Variants in NRXN1 observed in about 807,000 individuals in gnomAD.
The protein encoded by NRXN1 is neurexin 1, also known as neurexin-1.
A neutral mutation model predicts 150.9 loss-of-function variants in NRXN1; 39 were observed. The observed-to-expected ratio is 0.26, with a 90% CI of 0.20 to 0.34. The LOEUF (loss-of-function observed/expected upper bound fraction) is 0.34. Ranked by LOEUF, NRXN1 falls within the 10% of genes least tolerant of loss-of-function variation. The probability of loss-of-function intolerance (pLI) is 1.00; values close to 1 mark genes in which losing one functional copy is unlikely to be tolerated. For synonymous variants in NRXN1, 924 were observed against 757.0 expected (o/e 1.22, Z -3.62); for missense variants, 1,815 against 1,949.9 (o/e 0.93, Z 1.30).
At chr2:50,291,523 C>A (rs1285891841) in intron 17 of NRXN1, among the ~76,000 whole-genome samples, 1 of 152,144 alleles carries the variant, frequency 6.6e-6, no homozygotes, top group African/African-American at 2.4e-5. Context: ...TCTAGAGAAG[C>A]ATTCATCCCT....
chr2:50,110,926 A>T (rs1045653078), intron 18 of NRXN1, among the ~76,000 whole-genome samples: 2 of 152,190 alleles, frequency 1.3e-5, no homozygotes, highest in Non-Finnish European at 2.9e-5. Context: ...TAATGTCAAC[A>T]TCCTTTGCAT....
chr2:50,475,409 A>ATAGT (rs1558795999), intron 15 of NRXN1, among the ~76,000 whole-genome samples: 4 of 98,310 alleles, frequency 4.1e-5, no homozygotes, highest in Admixed American at 1.8e-4. Flanking sequence ...AAAAGAGGAA[A>ATAGT]CAGTAAGGCA....
At chr2:50,596,664 T>C (rs547365532) in intron 8 of NRXN1, among the ~76,000 whole-genome samples, 2 of 152,092 alleles carry the variant, frequency 1.3e-5, no homozygotes, top group African/African-American at 4.8e-5. Context: ...ACGAAAAGCT[T>C]TGTATATAGC....
At chr2:50,535,648 A>T (rs1388740209) in intron 10 of NRXN1, among the ~76,000 whole-genome samples, 7 of 152,228 alleles carry the variant, frequency 4.6e-5, no homozygotes, top group Non-Finnish European at 1.5e-5. Context: ...CGCTAAATTT[A>T]ACTTTTATTC....
intron 17 of NRXN1, among the ~76,000 whole-genome samples, chr2:50,315,949 T>A (rs1316253660): frequency 2.0e-5 from 3 of 151,990 alleles, no homozygotes; most frequent in Non-Finnish European, 4.4e-5. Flanking sequence ...TCAGGAGGAT[T>A]CAGGGCCAGA....
At chr2:50,628,648 C>G (rs1272994235) in intron 5 of NRXN1, among the ~76,000 whole-genome samples, 1 of 151,664 alleles carries the variant, frequency 6.6e-6, no homozygotes, top group Non-Finnish European at 1.5e-5. Context: ...TTCTGCTGAA[C>G]ACTTAAAGAA....
intron 2 of NRXN1, among the ~76,000 whole-genome samples, chr2:50,938,943 GGCT>G (rs1688961141): frequency 6.6e-6 from 1 of 152,088 alleles, no homozygotes; most frequent in South Asian, 2.1e-4. Context: ...TGAGCGCGGT[GGCT>G]CATGCCTATA....
intron 8 of NRXN1, among the ~76,000 whole-genome samples, chr2:50,590,038 C>T (rs956373735): frequency 3.3e-5 from 5 of 152,176 alleles, no homozygotes; most frequent in African/African-American, 1.2e-4. Context: ...GAACACCTGT[C>T]ATGTGACAAT....
chr2:50,423,914 C>T (rs995215552), intron 17 of NRXN1, among the ~76,000 whole-genome samples: 1 of 152,090 alleles, frequency 6.6e-6, no homozygotes, highest in Non-Finnish European at 1.5e-5. Flanking sequence ...TAGGCAACAG[C>T]AGGTCCAACA....
At chr2:49,924,884 G>A (rs1317483373) in intron 22 of NRXN1, among the ~76,000 whole-genome samples, 1 of 151,960 alleles carries the variant, frequency 6.6e-6, no homozygotes, top group African/African-American at 2.4e-5. Flanking sequence ...AGGTATGTTC[G>A]GAATAGGTAG....
chr2:49,989,196 T>G (rs1203968407), intron 21 of NRXN1, among the ~76,000 whole-genome samples: 1 of 152,198 alleles, frequency 6.6e-6, no homozygotes, highest in Non-Finnish European at 1.5e-5. Flanking sequence ...AGGACTTACA[T>G]TTCTGGTTCA....
chr2:50,862,759 G>C (rs1406080375), intron 5 of NRXN1, among the ~76,000 whole-genome samples: 1 of 152,022 alleles, frequency 6.6e-6, no homozygotes, highest in African/African-American at 2.4e-5. Context: ...TAGTAGACAT[G>C]AATCACCTTT....
At chr2:50,174,312 A>G (rs1430064816) in intron 18 of NRXN1, among the ~76,000 whole-genome samples, 2 of 152,102 alleles carry the variant, frequency 1.3e-5, no homozygotes, top group African/African-American at 4.8e-5. Flanking sequence ...CAGTTATTTC[A>G]CCTTTTAGAG....
chr2:50,699,859 A>G (rs1693477363), intron 5 of NRXN1, among the ~76,000 whole-genome samples: 1 of 152,240 alleles, frequency 6.6e-6, no homozygotes, highest in South Asian at 2.1e-4. Context: ...CAGCAACCAT[A>G]GGAAAGTAAT....
intron 5 of NRXN1, among the ~76,000 whole-genome samples, chr2:50,791,159 T>G (rs1705902458): frequency 6.7e-6 from 1 of 149,466 alleles, no homozygotes; most frequent in Non-Finnish European, 1.5e-5. Context: ...CTGTCAAAAG[T>G]AACACATGTA....
At chr2:50,889,423 C>A (rs765550907) in intron 5 of NRXN1, among the ~76,000 whole-genome samples, 6 of 151,704 alleles carry the variant, frequency 4.0e-5, no homozygotes, top group East Asian at 1.9e-4. Flanking sequence ...AGAGCAAATG[C>A]TCAATAAACA....
Position 50,280,665 on chromosome 2 carries a change from T to C in NRXN1, c.3365-43695A>G, listed in dbSNP as rs2071304251. Among the ~76,000 whole-genome samples, 3 of 152,194 alleles carry C rather than the reference T, an allele frequency of 2.0e-5. No homozygotes were observed. The South Asian group carries it at 6.2e-4, about 32-fold the overall frequency. On this transcript the variant is annotated intron_variant, in intron 17 of 22. Transcript: ENST00000401669. ...CACATCATAGGTAGTTAAGTGGTGATTACATTGGTTAACATTAAATCAGAG... is the reference window on the plus strand; with the variant it reads ...CACATCATAGGTAGTTAAGTGGTGACTACATTGGTTAACATTAAATCAGAG...
chr2:50,911,525 T>C (rs1401794652), intron 5 of NRXN1, among the ~76,000 whole-genome samples: 2 of 151,962 alleles, frequency 1.3e-5, no homozygotes, highest in Non-Finnish European at 2.9e-5. Flanking sequence ...AGCCTGAATT[T>C]TGTACATACA....
intron 2 of NRXN1, among the ~76,000 whole-genome samples, chr2:50,982,002 C>A (rs897041708): frequency 1.3e-5 from 2 of 152,024 alleles, no homozygotes; most frequent in African/African-American, 4.8e-5. Context: ...TTCATTAAGA[C>A]TCTTTTTATC....
Sources: gnomAD v4.1 joint callset for allele counts (sites outside exome capture counted in the v4.1 genomes callset) on GRCh38, gnomAD v4.1.1 for gene constraint, MANE v1.5 for transcripts, NCBI Gene and HGNC (gene_info 2026-07-23, HGNC 2026-07-21) for gene names.